The following NUMB variants were observed in gnomAD, a reference collection of about 807,000 sequenced individuals.
NUMB encodes the protein protein numb homolog.
A neutral mutation model predicts 59.7 loss-of-function variants in NUMB; 29 were observed. That is an observed-to-expected ratio of 0.49 (90% CI 0.36 to 0.66). The LOEUF (loss-of-function observed/expected upper bound fraction) is 0.66. Ranked by LOEUF, NUMB falls within the 30% of genes least tolerant of loss-of-function variation. NUMB has a pLI of 0.00. For missense variants in NUMB, 723 were observed against 822.0 expected (o/e 0.88, Z 1.47); for synonymous variants, 288 against 288.2 (o/e 1.00, Z 0.01).
intron 6 of NUMB, among the ~76,000 whole-genome samples, chr14:73,316,140 G>A (rs1891073846): frequency 6.6e-6 from 1 of 152,036 alleles, no homozygotes; most frequent in Non-Finnish European, 1.5e-5. Flanking sequence ...CAAAGTGCTG[G>A]GATTACAGAC....
At chr14:73,408,767 C>A (rs1483132697) in intron 2 of NUMB, among the ~76,000 whole-genome samples, 1 of 151,548 alleles carries the variant, frequency 6.6e-6, no homozygotes, top group Non-Finnish European at 1.5e-5. Flanking sequence ...ATCCCAGCTA[C>A]TCGGGAGGCT....
chr14:73,325,103 T>C (rs1469014627), intron 4 of NUMB, among the ~76,000 whole-genome samples: 2 of 152,222 alleles, frequency 1.3e-5, no homozygotes, highest in East Asian at 3.8e-4. Context: ...GTTATTTCTG[T>C]AAACCAATGA....
chr14:73,321,400 CTT>C (rs1407178897), intron 5 of NUMB, among the ~76,000 whole-genome samples: 1 of 150,968 alleles, frequency 6.6e-6, no homozygotes, highest in African/African-American at 2.5e-5. Context: ...CTAAAATCAT[CTT>C]GTTTGTGTAT....
intron 12 of NUMB, among the ~76,000 whole-genome samples, chr14:73,278,442 C>T (rs1888352633): frequency 6.6e-6 from 1 of 151,934 alleles, no homozygotes; most frequent in Non-Finnish European, 1.5e-5. Flanking sequence ...GTTGCTTGAA[C>T]CTGAGAGATG....
intron 4 of NUMB, among the ~76,000 whole-genome samples, chr14:73,351,960 A>C (rs1893310181): frequency 6.6e-6 from 1 of 152,144 alleles, no homozygotes; most frequent in South Asian, 2.1e-4. Context: ...TGGGTGACAG[A>C]GCAAGACTCT....
intron 2 of NUMB, among the ~76,000 whole-genome samples, chr14:73,379,491 T>C (rs545297727): frequency 8.5e-5 from 13 of 152,290 alleles, no homozygotes; most frequent in African/African-American, 2.6e-4. Context: ...AAATACATAA[T>C]ATGTTGAGAC....
intron 4 of NUMB, 86 bp from the exon 5 acceptor site, chr14:73,323,290 G>C (rs1370327119): frequency 1.1e-6 from 1 of 875,142 alleles, no homozygotes; most frequent in African/African-American, 1.7e-5. Context: ...ATTGAATACA[G>C]GTTGAACATT....
At chr14:73,316,803 T>C (rs769914022) in intron 5 of NUMB, among the ~76,000 whole-genome samples, 5 of 152,232 alleles carry the variant, frequency 3.3e-5, no homozygotes, top group Admixed American at 2.6e-4. Context: ...TAATAGTGAA[T>C]AGAAAATAGA....
rs566490359 is a variant in NUMB at position 73,436,339 on chromosome 14, C to T, written c.-233+22154G>A. 9.2e-5 allele frequency among the ~76,000 whole-genome samples: 14 copies of T among 152,120 alleles called. 1 individual carries two copies. In the East Asian group the frequency reaches 2.7e-3, roughly 30 times the overall value. ...TTTTGTTTTGTTTTGTTTTTGTTGA[C>T]GGAGTCCCACTCTGTCGCCCAGGAT... On this transcript the variant is annotated intron_variant, in intron 1 of 12. Transcript: ENST00000555238.
rs1420716336 is a variant in NUMB at position 73,293,016 on chromosome 14, TTTAA to T, written c.310-146_310-143del. Reference sequence around the variant, plus strand: ...GAATACCTAGATCTGTGTCCAGCAGTTTAAATACTGAGAATTGGACTCAGCAGAC... The same window carrying T: ...GAATACCTAGATCTGTGTCCAGCAGTATACTGAGAATTGGACTCAGCAGAC... On this transcript the variant is annotated intron_variant, in intron 7 of 12. Transcript: ENST00000555238. 6 of 833,034 alleles carry T rather than the reference TTTAA, an allele frequency of 7.2e-6. No individual in the cohort carries two copies. In the African/African-American group the frequency reaches 1.0e-4, roughly 14 times the overall value. 51.6% of individuals were successfully genotyped at this position (833,034 alleles called of 1,614,324 possible).
rs1289805039 is a variant in NUMB, at chr14:73,276,541, G to A, written c.*37C>T. On this transcript the variant is annotated 3_prime_UTR_variant, in exon 13 of 13. Coordinates refer to ENST00000555238, the MANE Select transcript of NUMB (RefSeq NM_001005743.2). ...CTTTGACCGCTACCCCCTGCTCCCT[G>A]TCTGGTATGGACAAGATACATAGCC... The A allele has an allele frequency of 1.3e-5, 20 of 1,534,478 alleles. No individual in the cohort carries two copies. Among genetic ancestry groups the A allele is most frequent in the South Asian group, 2.4e-5 (2 of 84,670 alleles).
chr14:73,357,590 C>G (rs1893867714), intron 3 of NUMB, among the ~76,000 whole-genome samples: 1 of 151,496 alleles, frequency 6.6e-6, no homozygotes, highest in Non-Finnish European at 1.5e-5. Context: ...TGGTAAAACC[C>G]CGTCTCTACA....
At chr14:73,388,129 C>T (rs1895651743) in intron 2 of NUMB, among the ~76,000 whole-genome samples, 1 of 152,106 alleles carries the variant, frequency 6.6e-6, no homozygotes, top group Non-Finnish European at 1.5e-5. Flanking sequence ...AATAAAACTT[C>T]AGTTCCTCAA....
At position 73,282,386 on chromosome 14, in the gene NUMB, C is replaced by G. The variant is rs1888689309; in HGVS notation, c.1069G>C (p.Val357Leu). ...SAPMTKPVTV[V>L]APQSPTFQAN... ...TGGAAGGTAGGAGATTGTGGTGCCA[C>G]CACTGTCACTGGTTTGGTCATCGGA... The change falls in exon 11 of 13, where the codon GTG becomes CTG. Residue 357 changes from valine (V) to leucine (L), a missense_variant. Coordinates refer to ENST00000555238, the MANE Select transcript of NUMB (RefSeq NM_001005743.2). 1 of 1,614,156 alleles carries G rather than the reference C, an allele frequency of 6.2e-7. No individual in the cohort carries two copies. Among genetic ancestry groups the G allele is most frequent in the Non-Finnish European group, 8.5e-7 (1 of 1,180,020 alleles).
chr14:73,350,175 T>C (rs923082359), intron 4 of NUMB, among the ~76,000 whole-genome samples: 1 of 144,774 alleles, frequency 6.9e-6, no homozygotes, highest in Non-Finnish European at 1.5e-5. Context: ...CTAGGTGTCT[T>C]TTTTTTTTTT....
chr14:73,384,977 T>A (rs1274629131), intron 2 of NUMB, among the ~76,000 whole-genome samples: 3 of 145,422 alleles, frequency 2.1e-5, no homozygotes, highest in Non-Finnish European at 4.5e-5. Context: ...CACTGTAACC[T>A]CTGCCTCCCA....
At chr14:73,363,751 C>T (rs1594951475) in intron 3 of NUMB, among the ~76,000 whole-genome samples, 1 of 152,040 alleles carries the variant, frequency 6.6e-6, no homozygotes, top group African/African-American at 2.4e-5. Context: ...GAGTTCAAGT[C>T]CAGTTTGGGC....
intron 1 of NUMB, among the ~76,000 whole-genome samples, chr14:73,436,067 A>C (rs191236446): frequency 3.9e-5 from 6 of 152,248 alleles, no homozygotes; most frequent in Admixed American, 2.6e-4. Flanking sequence ...AAAGTGTAGT[A>C]TATTCATAAA....
intron 8 of NUMB, among the ~76,000 whole-genome samples, chr14:73,291,747 AATCTC>A (rs1313892880): frequency 2.0e-5 from 3 of 148,470 alleles, no homozygotes; most frequent in Non-Finnish European, 4.4e-5. Context: ...CAGTGGCACA[AATCTC>A]AGCTCACTGC....
Sources: allele counts gnomAD v4.1 joint callset (sites outside exome capture counted in the v4.1 genomes callset), GRCh38; gene constraint gnomAD v4.1.1; transcripts MANE v1.5; gene names NCBI Gene and HGNC (gene_info 2026-07-23, HGNC 2026-07-21).